PLPPR1: variants seen among roughly 807,000 people sequenced by gnomAD.
PLPPR1 encodes phospholipid phosphatase-related protein type 1.
Under a neutral mutation model 33.1 loss-of-function variants are expected in PLPPR1, and 10 were observed. The ratio of observed to expected loss-of-function variants is 0.30; its 90% confidence interval spans 0.19 to 0.51. PLPPR1 has a LOEUF of 0.51. PLPPR1 is among the 20% of genes least tolerant of loss of function. The pLI is 0.97. For synonymous variants in PLPPR1, 151 were observed against 151.0 expected, an observed-to-expected ratio of 1.00 and a Z score of 0.00; for missense variants, 304 against 408.1, an observed-to-expected ratio of 0.74 and a Z score of 2.20.
At chr9:101,276,806 G>T (rs1828206169) in intron 3 of PLPPR1, among the ~76,000 whole-genome samples, 1 of 152,168 alleles carries the variant, frequency 6.6e-6, no homozygotes, top group South Asian at 2.1e-4. Flanking sequence ...CAGTAGAGAG[G>T]CTCCAGTTTA....
intron 1 of PLPPR1, among the ~76,000 whole-genome samples, chr9:101,146,346 A>G (rs1414623706): frequency 1.3e-5 from 2 of 152,176 alleles, no homozygotes; most frequent in Non-Finnish European, 2.9e-5. Flanking sequence ...GGGGTAATAC[A>G]CTTCATCTCC....
chr9:101,302,212 T>C (rs1828766701), intron 4 of PLPPR1, among the ~76,000 whole-genome samples: 1 of 152,220 alleles, frequency 6.6e-6, no homozygotes, highest in African/African-American at 2.4e-5. Context: ...TGAACTAATA[T>C]TGCAAAGCAC....
chr9:101,273,929 C>T (rs1168018178), intron 3 of PLPPR1, among the ~76,000 whole-genome samples: 2 of 152,352 alleles, frequency 1.3e-5, no homozygotes, highest in Admixed American at 6.5e-5. Flanking sequence ...AGAATTTTCT[C>T]TCCTCTCAGA....
At position 101,301,111 on chromosome 9, in the gene PLPPR1, A is replaced by G. The variant is rs193153039; in HGVS notation, c.386-8100A>G. Among the ~76,000 whole-genome samples the G allele has an allele frequency of 4.9e-4, 74 of 152,332 alleles. No homozygotes were observed. The East Asian group carries it at 0.014, about 29-fold the overall frequency. On this transcript the variant is annotated intron_variant, in intron 4 of 7. Transcript: ENST00000374874. ...TGGTGGGCTTTCTAGTTGATTACTC[A>G]TCATCTTTATTAAGTAATTATCCTT...
At chr9:101,189,856 A>G (rs2567308) in intron 2 of PLPPR1, among the ~76,000 whole-genome samples, 27,800 of 152,052 alleles carry the variant, frequency 0.18, 3,275 homozygotes, top group East Asian at 0.65. Context: ...AAATGCAATT[A>G]TGTATTTTCA....
intron 1 of PLPPR1, among the ~76,000 whole-genome samples, chr9:101,153,472 G>T (rs2118654803): frequency 6.6e-6 from 1 of 152,284 alleles, no homozygotes; most frequent in East Asian, 1.9e-4. Flanking sequence ...TCTTGTGCCA[G>T]TTTTCAAAGG....
At chr9:101,139,610 C>T (rs570753691) in intron 1 of PLPPR1, among the ~76,000 whole-genome samples, 3 of 152,078 alleles carry the variant, frequency 2.0e-5, no homozygotes, top group African/African-American at 7.2e-5. Context: ...GGAGTGATTG[C>T]AAAAAGAATG....
At position 101,055,110 on chromosome 9, in the gene PLPPR1, G is replaced by A. The variant is rs554463839; in HGVS notation, c.-46+26008G>A. On this transcript the variant is annotated intron_variant, in intron 1 of 7. Transcript: ENST00000374874. ...CTAGAACCAATGATTATATAAAATGGTTATCATTAGGATGGGGCTTTTCAC... is the reference window on the plus strand; with the variant it reads ...CTAGAACCAATGATTATATAAAATGATTATCATTAGGATGGGGCTTTTCAC... Among the ~76,000 whole-genome samples the A allele has an allele frequency of 7.2e-5, 11 of 152,270 alleles. No homozygotes were observed. The South Asian group carries it at 2.3e-3, about 32-fold the overall frequency.
At chr9:101,295,229 G>T (rs1828599950) in intron 4 of PLPPR1, among the ~76,000 whole-genome samples, 1 of 151,814 alleles carries the variant, frequency 6.6e-6, no homozygotes, top group South Asian at 2.1e-4. Flanking sequence ...AAATACCTAG[G>T]AATCCAACTT....
At chr9:101,202,111 A>C (rs1410078175) in intron 2 of PLPPR1, among the ~76,000 whole-genome samples, 1 of 152,232 alleles carries the variant, frequency 6.6e-6, no homozygotes, top group African/African-American at 2.4e-5. Context: ...AAAAACAAGA[A>C]GTTGCATGAA....
intron 1 of PLPPR1, among the ~76,000 whole-genome samples, chr9:101,162,280 C>T (rs557236994): frequency 6.6e-6 from 1 of 152,230 alleles, no homozygotes; most frequent in South Asian, 2.1e-4. Flanking sequence ...CCTGAGAGTG[C>T]TTTGTCCCCA....
At chr9:101,047,086 T>C (rs1830160903) in intron 1 of PLPPR1, among the ~76,000 whole-genome samples, 1 of 152,192 alleles carries the variant, frequency 6.6e-6, no homozygotes, top group South Asian at 2.1e-4. Context: ...CAGTTCACAA[T>C]AGGGTTCGCA....
At chr9:101,322,138 C>G (rs1013952356) in intron 7 of PLPPR1, among the ~76,000 whole-genome samples, 1 of 119,898 alleles carries the variant, frequency 8.3e-6, no homozygotes, top group Admixed American at 1.2e-4. Context: ...GCATGGGTTG[C>G]AGTGAGCCGA....
At chr9:101,198,553 G>A (rs957391798) in intron 2 of PLPPR1, among the ~76,000 whole-genome samples, 6 of 152,300 alleles carry the variant, frequency 3.9e-5, no homozygotes, top group African/African-American at 1.4e-4. Flanking sequence ...GCAGTGTGGT[G>A]TATCTTCACA....
chr9:101,069,444 G>A (rs1830458118), intron 1 of PLPPR1, among the ~76,000 whole-genome samples: 1 of 152,000 alleles, frequency 6.6e-6, no homozygotes, highest in Admixed American at 6.6e-5. Flanking sequence ...TGACATAACC[G>A]AGCAGTATCA....
In PLPPR1 at chr9:101,293,968, G is replaced by A. The variant is rs1420992948; in HGVS notation, c.385+7732G>A. 3.9e-5 allele frequency among the ~76,000 whole-genome samples: 6 copies of A among 152,154 alleles called. No individual in the cohort carries two copies. In the East Asian group the frequency reaches 1.2e-3, roughly 29 times the overall value. On this transcript the variant is annotated intron_variant, in intron 4 of 7. Coordinates refer to ENST00000374874, the MANE Select transcript of PLPPR1 (RefSeq NM_207299.2). ...TAACTAAAATCAGAGCAGAACTGAA[G>A]GAAACAGAGACACAAAAAACCCTTC...
At chr9:101,213,109 T>C (rs1826718232) in intron 2 of PLPPR1, among the ~76,000 whole-genome samples, 1 of 152,212 alleles carries the variant, frequency 6.6e-6, no homozygotes, top group African/African-American at 2.4e-5. Flanking sequence ...TGATTATAGC[T>C]AATGGTGAAA....
At chr9:101,158,605 A>G (rs939594202) in intron 1 of PLPPR1, among the ~76,000 whole-genome samples, 1 of 152,248 alleles carries the variant, frequency 6.6e-6, no homozygotes, top group Non-Finnish European at 1.5e-5. Context: ...ACTCAGTGGG[A>G]AAGTCTGTAA....
intron 1 of PLPPR1, among the ~76,000 whole-genome samples, chr9:101,046,514 A>G (rs1217034089): frequency 7.3e-6 from 1 of 137,156 alleles, no homozygotes; most frequent in East Asian, 2.1e-4. Flanking sequence ...ATCTCAGCTC[A>G]CTGCAAGCTC....
Sources: gnomAD v4.1 joint callset for allele counts (sites outside exome capture counted in the v4.1 genomes callset) on GRCh38, gnomAD v4.1.1 for gene constraint, MANE v1.5 for transcripts, NCBI Gene and HGNC (gene_info 2026-07-23, HGNC 2026-07-21) for gene names.